Variants in MVB12B observed in about 807,000 individuals in gnomAD.
MVB12B encodes ESCRT-I complex subunit MVB12B.
A neutral mutation model predicts 41.6 loss-of-function variants in MVB12B; 16 were observed. The observed-to-expected ratio is 0.38, with a 90% CI of 0.26 to 0.58. The LOEUF (loss-of-function observed/expected upper bound fraction) is 0.58, where lower values mean the gene tolerates loss of function less well. MVB12B is among the 20% of genes least tolerant of loss of function. The probability of loss-of-function intolerance (pLI) is 0.62; values close to 1 mark genes in which losing one functional copy is unlikely to be tolerated. For synonymous variants in MVB12B, 133 were observed against 139.7 expected (o/e 0.95, Z 0.34); for missense variants, 274 against 380.2 (o/e 0.72, Z 2.32).
At chr9:126,366,085 T>C (rs1830173548) in intron 2 of MVB12B, among the ~76,000 whole-genome samples, 1 of 152,116 alleles carries the variant, frequency 6.6e-6, no homozygotes, top group East Asian at 1.9e-4. Context: ...CCTCTGTGTC[T>C]TCCTTTCCAC....
chr9:126,473,750 C>T lies in MVB12B; in HGVS notation c.758-7619C>T, dbSNP rs140789812. On this transcript the variant is annotated intron_variant, in intron 7 of 9. Coordinates refer to ENST00000361171, the MANE Select transcript of MVB12B (RefSeq NM_033446.3). This position sits in a 1 kb window ranked among gnomAD's most constrained non-coding sequence, Gnocchi z 4.0. ...CTCCCCACATAGCTCAGTCATCTCC[C>T]GCCGGGCCCCCTCCAATACCGGGGA... Among the ~76,000 whole-genome samples the T allele has an allele frequency of 7.9e-5, 12 of 152,304 alleles. No individual in the cohort carries two copies. Among genetic ancestry groups the T allele is most frequent in the East Asian group, 3.9e-4 (2 of 5,188 alleles).
intron 7 of MVB12B, among the ~76,000 whole-genome samples, chr9:126,434,674 G>A (rs1248998154): frequency 6.6e-6 from 1 of 152,192 alleles, no homozygotes; most frequent in Admixed American, 6.5e-5. Context: ...AAGGTCCTTG[G>A]CTCATGAATT....
At chr9:126,496,180 C>T (rs1402077656) in intron 9 of MVB12B, among the ~76,000 whole-genome samples, 1 of 150,632 alleles carries the variant, frequency 6.6e-6, no homozygotes, top group African/African-American at 2.5e-5. Context: ...TCACCATCGA[C>T]TTGTCCACCC....
Position 126,503,319 on chromosome 9 carries a change from G to T in MVB12B, c.*56G>T. ...CGCCGCCCAGACTACTGACGGCAGGGGCTGCTGCCCCCGCCTCCTCCTGCC... is the reference window on the plus strand; with the variant it reads ...CGCCGCCCAGACTACTGACGGCAGGTGCTGCTGCCCCCGCCTCCTCCTGCC... On this transcript the variant is annotated 3_prime_UTR_variant, in exon 10 of 10. Coordinates refer to ENST00000361171, the MANE Select transcript of MVB12B (RefSeq NM_033446.3). The T allele has an allele frequency of 7.0e-7, 1 of 1,433,032 alleles. No homozygotes were observed. The highest frequency in any genetic ancestry group is 9.6e-7 in the Non-Finnish European group (1 of 1,045,500). 88.8% of individuals were successfully genotyped at this position (1,433,032 alleles called of 1,614,324 possible).
chr9:126,331,215 T>C (rs1469561557), intron 1 of MVB12B, among the ~76,000 whole-genome samples: 1 of 152,240 alleles, frequency 6.6e-6, no homozygotes, highest in African/African-American at 2.4e-5. Context: ...TGTGCCATTT[T>C]ACATTCCCAC....
chr9:126,494,820 T>C (rs1333510873), intron 9 of MVB12B, among the ~76,000 whole-genome samples: 1 of 151,862 alleles, frequency 6.6e-6, no homozygotes, highest in African/African-American at 2.4e-5. Flanking sequence ...TTTTAGGTGG[T>C]ATTCAGGTGA....
At position 126,376,369 on chromosome 9, in the gene MVB12B, T is replaced by A. The variant is rs182656286; in HGVS notation, c.205-4695T>A. 1 of 516,294 alleles carries A rather than the reference T, an allele frequency of 1.9e-6. No homozygotes were observed. The highest frequency in any genetic ancestry group is 7.0e-5 in the East Asian group (1 of 14,302). 32.0% of individuals were successfully genotyped at this position (516,294 alleles called of 1,614,324 possible). A position where few individuals can be genotyped will look rare whatever the true frequency, so the allele number is the denominator to read the frequency against. Reference sequence around the variant, plus strand: ...TTTGCTACCTTCAAGCTCCCTTTTTTCTATTTTGGGCCCTTCTGTCATGTC... The same window carrying A: ...TTTGCTACCTTCAAGCTCCCTTTTTACTATTTTGGGCCCTTCTGTCATGTC... On this transcript the variant is annotated intron_variant, in intron 2 of 9. Transcript: ENST00000361171. The surrounding 1 kb of genome is among the most constrained non-coding windows in gnomAD (Gnocchi z 4.1).
At chr9:126,483,204 C>T (rs111496124) in intron 8 of MVB12B, among the ~76,000 whole-genome samples, 14 of 152,278 alleles carry the variant, frequency 9.2e-5, no homozygotes, top group African/African-American at 3.1e-4. Flanking sequence ...GGACTCAGAC[C>T]AGGAGCCACA....
intron 6 of MVB12B, among the ~76,000 whole-genome samples, chr9:126,405,335 G>A (rs1831388512): frequency 6.6e-6 from 1 of 152,036 alleles, no homozygotes; most frequent in Non-Finnish European, 1.5e-5. Context: ...GGCTCTTTGT[G>A]CAGTTGGTTT....
At chr9:126,484,490 G>T (rs1464101844) in intron 9 of MVB12B, among the ~76,000 whole-genome samples, 1 of 150,420 alleles carries the variant, frequency 6.6e-6, no homozygotes, top group African/African-American at 2.4e-5. Context: ...TGAGGTCAGG[G>T]TACCTTCCAC....
At chr9:126,398,225 G>T (rs1831172904) in intron 6 of MVB12B, among the ~76,000 whole-genome samples, 1 of 151,654 alleles carries the variant, frequency 6.6e-6, no homozygotes, top group Non-Finnish European at 1.5e-5. Context: ...GGGGCATCTC[G>T]AGCCCGTGTG....
chr9:126,384,314 C>T (rs1169211992), intron 3 of MVB12B, among the ~76,000 whole-genome samples: 1 of 152,136 alleles, frequency 6.6e-6, no homozygotes, highest in East Asian at 1.9e-4. Context: ...TATGATAGTT[C>T]TGAGAGGAAG....
intron 1 of MVB12B, among the ~76,000 whole-genome samples, chr9:126,334,167 G>A (rs1298926511): frequency 1.3e-5 from 2 of 152,180 alleles, no homozygotes; most frequent in East Asian, 1.9e-4. Flanking sequence ...AAGTGGCTCC[G>A]TAGTCATCTG....
At chr9:126,327,370 C>T (rs1456973532) in intron 1 of MVB12B, 1 of 974,140 alleles carries the variant, frequency 1.0e-6, no homozygotes, top group Non-Finnish European at 1.2e-6. Context: ...TGGGAACAGT[C>T]AATCGTTTGA....
intron 7 of MVB12B, among the ~76,000 whole-genome samples, chr9:126,469,203 C>A (rs1156476406): frequency 1.3e-5 from 2 of 152,102 alleles, no homozygotes; most frequent in African/African-American, 4.8e-5. Flanking sequence ...ATATTCTGTC[C>A]TTTTTCTATA....
At chr9:126,413,314 C>T (rs1220663046) in intron 6 of MVB12B, among the ~76,000 whole-genome samples, 1 of 152,134 alleles carries the variant, frequency 6.6e-6, no homozygotes, top group African/African-American at 2.4e-5. Context: ...AGCAGAGAGG[C>T]AAGCTGTGGA....
chr9:126,336,728 GC>G (rs1829290445), intron 1 of MVB12B, among the ~76,000 whole-genome samples: 1 of 146,398 alleles, frequency 6.8e-6, no homozygotes, highest in Non-Finnish European at 1.5e-5. Context: ...ACACTTGTGG[GC>G]GCACATACAT....
chr9:126,348,092 G>A (rs534889485), intron 2 of MVB12B, among the ~76,000 whole-genome samples: 1 of 152,366 alleles, frequency 6.6e-6, no homozygotes, highest in East Asian at 1.9e-4. Flanking sequence ...AATAACCACA[G>A]ACTTTGAGTC....
chr9:126,349,138 A>G (rs1002240662), intron 2 of MVB12B, among the ~76,000 whole-genome samples: 1 of 152,154 alleles, frequency 6.6e-6, no homozygotes, highest in Non-Finnish European at 1.5e-5. Flanking sequence ...AGTGTCAAGC[A>G]GGGTGAGCAC....
Sources: gnomAD v4.1 joint callset for allele counts (sites outside exome capture counted in the v4.1 genomes callset) on GRCh38, gnomAD v4.1.1 for gene constraint, Gnocchi (gnomAD v3.1) non-coding constraint, MANE v1.5 for transcripts, NCBI Gene and HGNC (gene_info 2026-07-23, HGNC 2026-07-21) for gene names.